CEP76: variants seen among roughly 807,000 people sequenced by gnomAD.
The protein encoded by CEP76 is centrosomal protein 76, also known as centrosomal protein of 76 kDa.
A neutral mutation model predicts 83.3 loss-of-function variants in CEP76; 55 were observed. That is an observed-to-expected ratio of 0.66 (90% CI 0.53 to 0.83). CEP76 has a LOEUF of 0.83. Among genes scored for constraint, CEP76 ranks in the 40% least tolerant of loss-of-function variants. The probability of loss-of-function intolerance (pLI) is 0.00; values close to 1 mark genes in which losing one functional copy is unlikely to be tolerated. For missense variants in CEP76, 694 were observed against 799.5 expected, an observed-to-expected ratio of 0.87 and a Z score of 1.59; for synonymous variants, 270 against 274.5, an observed-to-expected ratio of 0.98 and a Z score of 0.16.
At chr18:12,670,191 G>A (rs1218252486), downstream of CEP76, among the ~76,000 whole-genome samples, 2 of 151,728 alleles carry the variant, frequency 1.3e-5, no homozygotes, top group East Asian at 3.9e-4. Context: ...TTAGCTGGGC[G>A]TGGTAGCGTG....
chr18:12,696,802 A>G (rs2039973475), intron 5 of CEP76, among the ~76,000 whole-genome samples: 1 of 152,144 alleles, frequency 6.6e-6, no homozygotes, highest in African/African-American at 2.4e-5. Context: ...ACACTGTAAA[A>G]GGTTGGGAGA....
intron 2 of CEP76, 77 bp from the exon 3 acceptor site, chr18:12,699,982 A>G (rs1038423490): frequency 1.6e-5 from 15 of 932,634 alleles, no homozygotes; most frequent in Middle Eastern, 2.7e-4. Context: ...AAACATGACT[A>G]AGCACTGAAC....
At chr18:12,686,497 C>A in intron 7 of CEP76, 47 bp from the exon 8 acceptor site, 1 of 1,360,012 alleles carries the variant, frequency 7.4e-7, no homozygotes, top group South Asian at 1.3e-5. Context: ...TAATCATCCC[C>A]AATTATGTTT....
At chr18:12,679,012 T>G (rs1452886407) in intron 9 of CEP76, 1 of 152,136 alleles carries the variant, frequency 6.6e-6, no homozygotes, top group Non-Finnish European at 1.5e-5. Context: ...TATGCATTTT[T>G]AGGCACAACT....
At chr18:12,692,153 T>A (rs2039787213) in intron 6 of CEP76, 1 of 151,772 alleles carries the variant, frequency 6.6e-6, no homozygotes, top group Non-Finnish European at 1.5e-5. Flanking sequence ...CCATCTCAAC[T>A]AAAAATACAA....
chr18:12,680,866 T>G, intron 8 of CEP76, 38 bp from the exon 9 acceptor site: 1 of 1,550,346 alleles, frequency 6.5e-7, no homozygotes, highest in Non-Finnish European at 8.8e-7. Context: ...CATTCTTCCA[T>G]ATTATTTCCT....
chr18:12,663,195 T>C (rs1412011124), intron 12 of CEP76, among the ~76,000 whole-genome samples: 1 of 152,230 alleles, frequency 6.6e-6, no homozygotes, highest in Non-Finnish European at 1.5e-5. Flanking sequence ...TCATATTACA[T>C]AATTCTGATC....
At chr18:12,691,966 G>A (rs1025844383) in intron 6 of CEP76, among the ~76,000 whole-genome samples, 3 of 151,904 alleles carry the variant, frequency 2.0e-5, no homozygotes, top group African/African-American at 7.2e-5. Flanking sequence ...TGATCCGCCC[G>A]CCTTGGCCTC....
At chr18:12,697,724 C>T (rs1268509935) in intron 4 of CEP76, among the ~76,000 whole-genome samples, 1 of 152,168 alleles carries the variant, frequency 6.6e-6, no homozygotes, top group Non-Finnish European at 1.5e-5. Flanking sequence ...AAAAAGCCTT[C>T]AAGTATGTCA....
At chr18:12,666,149 T>G (rs1417074803) in intron 12 of CEP76, among the ~76,000 whole-genome samples, 2 of 109,650 alleles carry the variant, frequency 1.8e-5, no homozygotes, top group East Asian at 2.5e-4. Flanking sequence ...AGAACTCATC[T>G]CTACAAAAAA....
chr18:12,689,303 G>T (rs1297619551), intron 7 of CEP76, among the ~76,000 whole-genome samples: 1 of 152,160 alleles, frequency 6.6e-6, no homozygotes, highest in African/African-American at 2.4e-5. Flanking sequence ...CAGTTCTGAG[G>T]AATCTAAATT....
intron 6 of CEP76, among the ~76,000 whole-genome samples, chr18:12,694,739 T>A (rs1014688818): frequency 1.3e-5 from 2 of 150,832 alleles, no homozygotes; most frequent in Non-Finnish European, 3.0e-5. Flanking sequence ...TGAGATGGAG[T>A]CTTGCTCTGT....
chr18:12,701,118 G>T lies in CEP76; in HGVS notation c.64-5C>A. Reference sequence around the variant, plus strand: ...TATTCTACCATGGACATCCATCTATGTAGAAAACTCATATTACAATTTATA... The same window carrying T: ...TATTCTACCATGGACATCCATCTATTTAGAAAACTCATATTACAATTTATA... On this transcript the variant is annotated splice_region_variant and splice_polypyrimidine_tract_variant and intron_variant, in intron 1 of 11. Transcript: ENST00000262127. 6.2e-7 allele frequency: 1 copy of T among 1,604,130 alleles called. No homozygotes were observed. Among genetic ancestry groups the T allele is most frequent in the Non-Finnish European group, 8.5e-7 (1 of 1,175,760 alleles).
chr18:12,700,925 T>C, intron 2 of CEP76, 33 bp downstream of exon 2: 1 of 1,523,596 alleles, frequency 6.6e-7, no homozygotes. Context: ...TATACATATA[T>C]ACTCTCATTT....
chr18:12,693,186 C>T (rs1292308101), intron 6 of CEP76, among the ~76,000 whole-genome samples: 1 of 152,008 alleles, frequency 6.6e-6, no homozygotes, highest in African/African-American at 2.4e-5. Flanking sequence ...ATAGAATAAA[C>T]TTATGTTTTA....
At chr18:12,700,015 C>G in intron 2 of CEP76, 110 bp from the exon 3 acceptor site, 1 of 533,518 alleles carries the variant, frequency 1.9e-6, no homozygotes, top group East Asian at 3.4e-5. Context: ...GGGTAAGGCC[C>G]TTTCAAAGAA....
downstream of CEP76, among the ~76,000 whole-genome samples, chr18:12,669,830 GTC>G (rs757392484): frequency 1.3e-5 from 2 of 151,648 alleles, no homozygotes; most frequent in Middle Eastern, 6.8e-3. Flanking sequence ...CAGAAACCCT[GTC>G]TCTACTTAAA....
chr18:12,689,715 C>T (rs925015773), intron 7 of CEP76, among the ~76,000 whole-genome samples: 2 of 152,100 alleles, frequency 1.3e-5, no homozygotes, highest in African/African-American at 2.4e-5. Flanking sequence ...CCTAATTCCA[C>T]GTGGCAATGA....
chr18:12,682,120 C>T (rs1369473588), intron 8 of CEP76, among the ~76,000 whole-genome samples: 1 of 151,940 alleles, frequency 6.6e-6, no homozygotes, highest in Non-Finnish European at 1.5e-5. Flanking sequence ...CACGCGAAAG[C>T]AAAAATAACT....
Sources: allele counts gnomAD v4.1 joint callset (sites outside exome capture counted in the v4.1 genomes callset), GRCh38; gene constraint gnomAD v4.1.1; transcripts MANE v1.5; gene names NCBI Gene and HGNC (gene_info 2026-07-23, HGNC 2026-07-21).